The following ZBTB38 variants were observed in gnomAD, a reference collection of about 807,000 sequenced individuals.
ZBTB38 encodes zinc finger and BTB domain-containing protein 38.
A neutral mutation model predicts 76.8 loss-of-function variants in ZBTB38; 20 were observed. That is an observed-to-expected ratio of 0.26 (90% CI 0.18 to 0.38). The LOEUF (loss-of-function observed/expected upper bound fraction) is 0.38. Ranked by LOEUF, ZBTB38 falls within the 10% of genes least tolerant of loss-of-function variation. The pLI, the probability that ZBTB38 is intolerant of heterozygous loss-of-function variation, is 1.00. For synonymous variants in ZBTB38, 504 were observed against 544.2 expected (o/e 0.93, Z 1.03); for missense variants, 1,082 against 1,482.3 (o/e 0.73, Z 4.43).
chr3:141,340,466 A>T (rs1222268267), intron 1 of ZBTB38, among the ~76,000 whole-genome samples: 1 of 152,224 alleles, frequency 6.6e-6, no homozygotes, highest in African/African-American at 2.4e-5. Flanking sequence ...CAAGGGGAGA[A>T]AATTTTGCAA....
chr3:141,339,909 T>G (rs901341094), intron 1 of ZBTB38, among the ~76,000 whole-genome samples: 1 of 152,232 alleles, frequency 6.6e-6, no homozygotes, highest in African/African-American at 2.4e-5. Context: ...TGGGATTTAA[T>G]GAGCTTAATG....
chr3:141,343,857 C>T (rs1462599770), intron 1 of ZBTB38, among the ~76,000 whole-genome samples: 7 of 152,154 alleles, frequency 4.6e-5, no homozygotes, highest in East Asian at 1.9e-4. Context: ...GCCCCAGAGA[C>T]GTGTTCCATT....
At position 141,445,622 on chromosome 3, in the gene ZBTB38, TGA is replaced by T; in HGVS notation, c.3237_3238del (p.Glu1079AspfsTer6). ...ATTGCAACAAGGCATTCACCTTGAATGAGACCCTCAAAATCCATGAAAGAATC... is the reference window on the plus strand; with the variant it reads ...ATTGCAACAAGGCATTCACCTTGAATGACCCTCAAAATCCATGAAAGAATC... ...QYCNKAFTLN[E>X]TLKIHERIHT... is the part of the protein sequence containing the mutation. On this transcript the variant is annotated frameshift_variant, in exon 6 of 6. Transcript: ENST00000321464. LOFTEE classifies it high-confidence loss of function. The surrounding 1 kb of genome is among the most constrained non-coding windows in gnomAD (Gnocchi z 6.5). 1 of 1,614,242 alleles carries T rather than the reference TGA, an allele frequency of 6.2e-7. No homozygotes were observed. The highest frequency in any genetic ancestry group is 1.3e-5 in the African/African-American group (1 of 75,062).
At chr3:141,432,833 T>C (rs146415597) in intron 5 of ZBTB38, among the ~76,000 whole-genome samples, 1 of 152,352 alleles carries the variant, frequency 6.6e-6, no homozygotes, top group African/African-American at 2.4e-5. Flanking sequence ...TTCAAATTCA[T>C]TCCCAGAATG....
At chr3:141,390,979 AC>A (rs1948699712) in intron 4 of ZBTB38, among the ~76,000 whole-genome samples, 1 of 151,946 alleles carries the variant, frequency 6.6e-6, no homozygotes, top group African/African-American at 2.4e-5. Flanking sequence ...ACATAGCAAG[AC>A]CCCATCTCCA....
At chr3:141,386,354 G>T (rs1056867471) in intron 3 of ZBTB38, 1 of 152,124 alleles carries the variant, frequency 6.6e-6, no homozygotes, top group Admixed American at 6.5e-5. Flanking sequence ...AAAATTCTGA[G>T]GCGGTATCTG....
intron 1 of ZBTB38, among the ~76,000 whole-genome samples, chr3:141,330,418 G>A (rs561594956): frequency 6.6e-6 from 1 of 152,316 alleles, no homozygotes; most frequent in African/African-American, 2.4e-5. Context: ...CTCCACTGAT[G>A]GGGGATGTAC....
In ZBTB38 at chr3:141,444,190, G is replaced by T. The variant is rs1216891452; in HGVS notation, c.1802G>T (p.Gly601Val). Residue 601 changes from glycine to valine, a missense_variant, in exon 6 of 6, where the codon GGT (glycine) becomes GTT (valine). Coordinates refer to ENST00000321464, the MANE Select transcript of ZBTB38 (RefSeq NM_001376113.1). The surrounding 1 kb of genome is among the most constrained non-coding windows in gnomAD (Gnocchi z 5.1). The stretch of plus-strand genomic sequence containing the variant: ...AGTCAAATGAATGAGTCTGCACCTG[G>T]TACCTATGTTGTTCAGAATCCACAC... Reference protein sequence around the residue: ...ENSQMNESAPGTYVVQNPHSS... With the variant: ...ENSQMNESAPVTYVVQNPHSS... 1 of 1,614,136 alleles carries T rather than the reference G, an allele frequency of 6.2e-7. No individual in the cohort carries two copies. The highest frequency in any genetic ancestry group is 1.1e-5 in the South Asian group (1 of 91,082).
At chr3:141,427,016 C>CT (rs140144379) in intron 5 of ZBTB38, among the ~76,000 whole-genome samples, 13,431 of 147,344 alleles carry the variant, frequency 0.091, 716 homozygotes, top group East Asian at 0.28. Context: ...ACCTTCTTGG[C>CT]TTTTTTTTTT....
chr3:141,397,761 A>G (rs780835979), intron 4 of ZBTB38, among the ~76,000 whole-genome samples: 15 of 152,222 alleles, frequency 9.9e-5, no homozygotes, highest in Non-Finnish European at 2.1e-4. Context: ...ATAAACATTT[A>G]TCAATAAAGT....
chr3:141,344,223 G>T (rs1162517391), intron 1 of ZBTB38, among the ~76,000 whole-genome samples: 9 of 152,156 alleles, frequency 5.9e-5, no homozygotes, highest in Admixed American at 2.0e-4. Context: ...GTCCATCATG[G>T]GTCCCACTGG....
intron 5 of ZBTB38, among the ~76,000 whole-genome samples, chr3:141,415,721 T>G (rs1275231574): frequency 6.6e-6 from 1 of 152,208 alleles, no homozygotes; most frequent in African/African-American, 2.4e-5. Flanking sequence ...TTGTGCCTTT[T>G]AAGCCCTGCT....
At chr3:141,328,544 G>A (rs759573605) in intron 1 of ZBTB38, among the ~76,000 whole-genome samples, 4 of 152,088 alleles carry the variant, frequency 2.6e-5, no homozygotes, top group African/African-American at 9.7e-5. Context: ...CCTCCTAAAT[G>A]TTTCCTGGGT....
intron 5 of ZBTB38, among the ~76,000 whole-genome samples, chr3:141,423,723 A>G (rs1054171724): frequency 6.6e-6 from 1 of 152,244 alleles, no homozygotes; most frequent in African/African-American, 2.4e-5. Flanking sequence ...CACAATAAAC[A>G]TGCCAAATCC....
At chr3:141,341,406 C>T (rs1202300380) in intron 1 of ZBTB38, among the ~76,000 whole-genome samples, 1 of 152,060 alleles carries the variant, frequency 6.6e-6, no homozygotes, top group Non-Finnish European at 1.5e-5. Context: ...TTCATAATAG[C>T]CAAAAAAGTA....
At chr3:141,425,343 G>A (rs1464565951) in intron 5 of ZBTB38, among the ~76,000 whole-genome samples, 1 of 152,186 alleles carries the variant, frequency 6.6e-6, no homozygotes, top group African/African-American at 2.4e-5. Flanking sequence ...CTTGAAATGG[G>A]AGTGGATAAA....
intron 1 of ZBTB38, among the ~76,000 whole-genome samples, chr3:141,355,271 G>A (rs1279578067): frequency 6.6e-6 from 1 of 152,020 alleles, no homozygotes; most frequent in Non-Finnish European, 1.5e-5. Flanking sequence ...TCTAAAATCA[G>A]ATTAAACTTG....
At chr3:141,344,874 G>T (rs4536797) in intron 1 of ZBTB38, among the ~76,000 whole-genome samples, 60,155 of 152,052 alleles carry the variant, frequency 0.4, 12,760 homozygotes, top group African/African-American at 0.53. Context: ...TCTTGCCATG[G>T]AAGGTAACAT....
Position 141,442,529 on chromosome 3 carries a change from T to C in ZBTB38, c.141T>C (p.His47=), listed in dbSNP as rs1224770167. The C allele has an allele frequency of 1.2e-6, 2 of 1,614,214 alleles. No individual in the cohort carries two copies. The highest frequency in any genetic ancestry group is 1.7e-6 in the Non-Finnish European group (2 of 1,180,028). ...IIVEDTKFKA[H]SNVLAASSLY... Reference sequence around the variant, plus strand: ...TGGAAGATACCAAATTTAAAGCCCATAGCAATGTTCTGGCAGCTTCAAGCC... The same window carrying C: ...TGGAAGATACCAAATTTAAAGCCCACAGCAATGTTCTGGCAGCTTCAAGCC... Residue 47 remains histidine, a synonymous_variant, in exon 6 of 6, where the codon CAT becomes CAC. Coordinates refer to ENST00000321464, the MANE Select transcript of ZBTB38 (RefSeq NM_001376113.1). The surrounding 1 kb of genome is among the most constrained non-coding windows in gnomAD (Gnocchi z 6.4).
Sources: gnomAD v4.1 joint callset for allele counts (sites outside exome capture counted in the v4.1 genomes callset) on GRCh38, gnomAD v4.1.1 for gene constraint, Gnocchi (gnomAD v3.1) non-coding constraint, MANE v1.5 for transcripts, NCBI Gene and HGNC (gene_info 2026-07-23, HGNC 2026-07-21) for gene names.